Variants in AGAP1 observed in about 807,000 individuals in gnomAD.
AGAP1 encodes ArfGAP with GTPase domain, ankyrin repeat and PH domain 1, also known as arf-GAP with GTPase, ANK repeat and PH domain-containing protein 1.
Under a neutral mutation model 105.3 loss-of-function variants are expected in AGAP1, and 29 were observed. The observed-to-expected ratio is 0.28, with a 90% CI of 0.21 to 0.38. AGAP1 has a LOEUF of 0.38. Ranked by LOEUF, AGAP1 falls within the 10% of genes least tolerant of loss-of-function variation. The pLI, the probability that AGAP1 is intolerant of heterozygous loss-of-function variation, is 1.00. For missense variants in AGAP1, 998 were observed against 1,165.1 expected, an observed-to-expected ratio of 0.86 and a Z score of 2.09; for synonymous variants, 509 against 485.9, an observed-to-expected ratio of 1.05 and a Z score of -0.63.
At chr2:235,592,793 G>A (rs1298076782) in intron 1 of AGAP1, among the ~76,000 whole-genome samples, 1 of 152,196 alleles carries the variant, frequency 6.6e-6, no homozygotes, top group Non-Finnish European at 1.5e-5. Flanking sequence ...TGCCCTTGCA[G>A]GGTGAGAGTG....
Position 236,129,090 on chromosome 2 carries a change from A to G in AGAP1, c.*4968A>G, listed in dbSNP as rs377535502. 6.6e-6 allele frequency: 1 copy of G among 152,170 alleles called. No individual in the cohort carries two copies. Among genetic ancestry groups the G allele is most frequent in the African/African-American group, 2.4e-5 (1 of 41,436 alleles). 9.4% of individuals were successfully genotyped at this position (152,170 alleles called of 1,614,324 possible). On this transcript the variant is annotated 3_prime_UTR_variant, in exon 18 of 18. Transcript: ENST00000304032. This position sits in a 1 kb window ranked among gnomAD's most constrained non-coding sequence, Gnocchi z 6.2. ...TGACTGTCACCCTCATCCTTCCCCA[A>G]AAAGCTAAATAAGGGCCTTTGGCAT...
chr2:235,929,808 C>T (rs1474918338), intron 11 of AGAP1, among the ~76,000 whole-genome samples: 3 of 152,186 alleles, frequency 2.0e-5, no homozygotes, highest in Non-Finnish European at 4.4e-5. Context: ...ACAGGAAATT[C>T]TGGTAATTGG....
At chr2:235,784,508 T>G (rs1956486555) in intron 6 of AGAP1, among the ~76,000 whole-genome samples, 1 of 148,524 alleles carries the variant, frequency 6.7e-6, no homozygotes, top group African/African-American at 2.5e-5. Flanking sequence ...ATTCTAAATG[T>G]AAATAAAATT....
chr2:235,694,330 T>G (rs1281163182), intron 1 of AGAP1, among the ~76,000 whole-genome samples: 1 of 151,862 alleles, frequency 6.6e-6, no homozygotes, highest in Non-Finnish European at 1.5e-5. Context: ...ATACAAAAAG[T>G]TAGCTGGGCG....
At chr2:235,899,723 G>C (rs906792605) in intron 10 of AGAP1, among the ~76,000 whole-genome samples, 71 of 152,204 alleles carry the variant, frequency 4.7e-4, no homozygotes, top group African/African-American at 1.7e-3. Flanking sequence ...AATTGTGTTG[G>C]CTCCTTGAAG....
In AGAP1 at chr2:235,882,167, T is replaced by C. The variant is rs144933359; in HGVS notation, c.1051-1178T>C. 2.0e-4 allele frequency among the ~76,000 whole-genome samples: 30 copies of C among 152,288 alleles called. No homozygotes were observed. Among genetic ancestry groups the C allele is most frequent in the Non-Finnish European group, 3.5e-4 (24 of 68,032 alleles). On this transcript the variant is annotated intron_variant, in intron 9 of 17. Coordinates refer to ENST00000304032, the MANE Select transcript of AGAP1 (RefSeq NM_001037131.3). The surrounding 1 kb of genome is among the most constrained non-coding windows in gnomAD (Gnocchi z 4.6). The stretch of plus-strand genomic sequence containing the variant: ...TATTCATAGAAATAATTTTCTATAA[T>C]GTCCTGGGGCAAACCAGAGAATTTG...
rs937207449 is a variant in AGAP1, at chr2:235,989,818, C to T, written c.1645+21195C>T. ...GAGTGGAACGGTCACAGCAGCAGCT[C>T]ACAGGGAGGGACAGCCTCGGAAGAG... On this transcript the variant is annotated intron_variant, in intron 13 of 17. Coordinates refer to ENST00000304032, the MANE Select transcript of AGAP1 (RefSeq NM_001037131.3). The surrounding 1 kb of genome is among the most constrained non-coding windows in gnomAD (Gnocchi z 4.4). Among the ~76,000 whole-genome samples, 2 of 152,128 alleles carry T rather than the reference C, an allele frequency of 1.3e-5. No homozygotes were observed. The highest frequency in any genetic ancestry group is 6.5e-5 in the Admixed American group (1 of 15,286).
rs1327050259 is a variant in AGAP1 at position 236,092,134 on chromosome 2, G to A, written c.2115-28058G>A. On this transcript the variant is annotated intron_variant, in intron 16 of 17. Coordinates refer to ENST00000304032, the MANE Select transcript of AGAP1 (RefSeq NM_001037131.3). This position sits in a 1 kb window ranked among gnomAD's most constrained non-coding sequence, Gnocchi z 4.7. ...GGTTAGGGATGGAGAGGGTGGGTGA[G>A]GTTTTAGAAAGGCAACAAGAGAGAC... is the stretch of plus-strand genomic sequence containing the variant. Among the ~76,000 whole-genome samples, 1 of 152,194 alleles carries A rather than the reference G, an allele frequency of 6.6e-6. No homozygotes were observed. Among genetic ancestry groups the A allele is most frequent in the Non-Finnish European group, 1.5e-5 (1 of 68,036 alleles).
chr2:235,575,350 C>T (rs1018524794), intron 1 of AGAP1, among the ~76,000 whole-genome samples: 1 of 152,110 alleles, frequency 6.6e-6, no homozygotes, highest in African/African-American at 2.4e-5. Context: ...AATATTAATA[C>T]TTAGGATAAA....
rs1953310659 is a variant in AGAP1, at chr2:235,750,144, C to T, written c.539-210C>T. Among the ~76,000 whole-genome samples, 1 of 152,178 alleles carries T rather than the reference C, an allele frequency of 6.6e-6. No homozygotes were observed. Among genetic ancestry groups the T allele is most frequent in the Non-Finnish European group, 1.5e-5 (1 of 68,036 alleles). On this transcript the variant is annotated intron_variant, in intron 5 of 17. Coordinates refer to ENST00000304032, the MANE Select transcript of AGAP1 (RefSeq NM_001037131.3). This position sits in a 1 kb window ranked among gnomAD's most constrained non-coding sequence, Gnocchi z 5.3. The stretch of plus-strand genomic sequence containing the variant: ...TTTTAAAATTGCAGTTTCAGAAGCG[C>T]TCCTGTAAAACAAATATCTACGAAT...
In AGAP1 at chr2:235,977,423, C is replaced by G. The variant is rs1257126824; in HGVS notation, c.1645+8800C>G. On this transcript the variant is annotated intron_variant, in intron 13 of 17. Transcript: ENST00000304032. This position sits in a 1 kb window ranked among gnomAD's most constrained non-coding sequence, Gnocchi z 5.2. ...TGTCTTCCTTACTATTCTAAATCCTCATCTACTCTTTCTACTTTCCTCAGC... is the reference window on the plus strand; with the variant it reads ...TGTCTTCCTTACTATTCTAAATCCTGATCTACTCTTTCTACTTTCCTCAGC... Among the ~76,000 whole-genome samples the G allele has an allele frequency of 6.6e-6, 1 of 152,124 alleles. No homozygotes were observed. Among genetic ancestry groups the G allele is most frequent in the African/African-American group, 2.4e-5 (1 of 41,436 alleles).
At chr2:235,746,453 C>T (rs919114517) in intron 5 of AGAP1, among the ~76,000 whole-genome samples, 1 of 126,972 alleles carries the variant, frequency 7.9e-6, no homozygotes, top group Non-Finnish European at 1.6e-5. Context: ...CCTTCAGAGC[C>T]AGAGCTCTGT....
At chr2:235,706,770 C>A (rs995705693) in intron 1 of AGAP1, among the ~76,000 whole-genome samples, 2 of 152,170 alleles carry the variant, frequency 1.3e-5, no homozygotes, top group Non-Finnish European at 2.9e-5. Flanking sequence ...TTCTGAGAAG[C>A]CAGACACTAT....
At chr2:236,063,173 A>C (rs961816798) in intron 16 of AGAP1, among the ~76,000 whole-genome samples, 4 of 152,038 alleles carry the variant, frequency 2.6e-5, no homozygotes, top group Non-Finnish European at 5.9e-5. Flanking sequence ...AGCTCACTGC[A>C]ACCTCCACCT....
At chr2:235,763,985 T>TGTGTGCAGCTGTGATCC (rs1411147688) in intron 6 of AGAP1, among the ~76,000 whole-genome samples, 1 of 101,808 alleles carries the variant, frequency 9.8e-6, no homozygotes, top group Admixed American at 1.2e-4. Context: ...TCTGAAGATC[T>TGTGTGCAGCTGTGATCC]GTGTGTGGCT....
In AGAP1 at chr2:235,983,200, A is replaced by G. The variant is rs973023252; in HGVS notation, c.1645+14577A>G. Among the ~76,000 whole-genome samples the G allele has an allele frequency of 6.6e-6, 1 of 151,986 alleles. No homozygotes were observed. The highest frequency in any genetic ancestry group is 2.4e-5 in the African/African-American group (1 of 41,372). On this transcript the variant is annotated intron_variant, in intron 13 of 17. Transcript: ENST00000304032. The surrounding 1 kb of genome is among the most constrained non-coding windows in gnomAD (Gnocchi z 4.5). Reference sequence around the variant, plus strand: ...ATGGGGGGTTATGGAAGTGCCCAGCAAGGGGAGCTGCAGGAGGGTCTCTTT... The same window carrying G: ...ATGGGGGGTTATGGAAGTGCCCAGCGAGGGGAGCTGCAGGAGGGTCTCTTT...
chr2:235,658,216 C>T (rs980070440), intron 1 of AGAP1, among the ~76,000 whole-genome samples: 9 of 152,044 alleles, frequency 5.9e-5, no homozygotes, highest in Non-Finnish European at 8.8e-5. Flanking sequence ...TTTTGCAAAG[C>T]GTTTTTTCTA....
rs191514132 is a variant in AGAP1 at position 236,061,348 on chromosome 2, G to A, written c.2114+12067G>A. Among the ~76,000 whole-genome samples the A allele has an allele frequency of 3.9e-5, 6 of 152,178 alleles. No individual in the cohort carries two copies. The highest frequency in any genetic ancestry group is 2.1e-4 in the South Asian group (1 of 4,818). On this transcript the variant is annotated intron_variant, in intron 16 of 17. Transcript: ENST00000304032. The surrounding 1 kb of genome is among the most constrained non-coding windows in gnomAD (Gnocchi z 4.1). ...GTATGACCCAGCCATTCCTCCCCCAGGTCTATACCTAAGATAAATGAAAAC... is the reference window on the plus strand; with the variant it reads ...GTATGACCCAGCCATTCCTCCCCCAAGTCTATACCTAAGATAAATGAAAAC...
In AGAP1 at chr2:235,586,856, G is replaced by A. The variant is rs529388024; in HGVS notation, c.163+92007G>A. 3.9e-5 allele frequency among the ~76,000 whole-genome samples: 6 copies of A among 152,294 alleles called. No homozygotes were observed. The South Asian group carries it at 1.2e-3, about 32-fold the overall frequency. On this transcript the variant is annotated intron_variant, in intron 1 of 17. Transcript: ENST00000304032. The surrounding 1 kb of genome is among the most constrained non-coding windows in gnomAD (Gnocchi z 4.2). ...TGAGTGAGGGAGCTTTCTTGAGGACGGGTTTTGTCGGAGTGTAGTTCATAT... is the reference window on the plus strand; with the variant it reads ...TGAGTGAGGGAGCTTTCTTGAGGACAGGTTTTGTCGGAGTGTAGTTCATAT...
Sources: allele counts gnomAD v4.1 joint callset (sites outside exome capture counted in the v4.1 genomes callset), GRCh38; gene constraint gnomAD v4.1.1; non-coding constraint Gnocchi (gnomAD v3.1); transcripts MANE v1.5; gene names NCBI Gene and HGNC (gene_info 2026-07-23, HGNC 2026-07-21).